Variants in KCNMB3 observed in about 807,000 individuals in gnomAD.
KCNMB3 encodes potassium calcium-activated channel subfamily M regulatory beta subunit 3, also known as calcium-activated potassium channel subunit beta-3.
A neutral mutation model predicts 11.9 loss-of-function variants in KCNMB3; 18 were observed. That is an observed-to-expected ratio of 1.51 (90% CI 1.04 to 2.23). The LOEUF is 2.23. KCNMB3 is among the 30% of genes most tolerant of loss of function. KCNMB3 has a pLI of 0.00. For missense variants in KCNMB3, 247 were observed against 329.4 expected, an observed-to-expected ratio of 0.75 and a Z score of 1.94; for synonymous variants, 78 against 119.2, an observed-to-expected ratio of 0.65 and a Z score of 2.25.
At chr3:179,249,298 C>T (rs562843879) in intron 1 of KCNMB3, among the ~76,000 whole-genome samples, 12 of 144,574 alleles carry the variant, frequency 8.3e-5, no homozygotes, top group Admixed American at 4.2e-4. Flanking sequence ...CAGGCGTGAG[C>T]CACCGCGCCT....
Position 179,266,765 on chromosome 3 carries a change from G to T in KCNMB3, c.-55C>A, listed in dbSNP as rs1462010427. The T allele has an allele frequency of 2.5e-6, 4 of 1,605,602 alleles. No homozygotes were observed. The African/African-American group carries it at 4.0e-5, about 16-fold the overall frequency. On this transcript the variant is annotated 5_prime_UTR_variant, in exon 1 of 4. Coordinates refer to the KCNMB3 transcript ENST00000349697. ...TTTCACCTGAGTCATGCCCCTGCGG[G>T]CGCAAGAAAGGTGAAGCTTAGACAT...
At position 179,259,984 on chromosome 3, in the gene KCNMB3, C is replaced by A. The variant is rs1452718637; in HGVS notation, c.62+6665G>T. 7.4e-5 allele frequency: 120 copies of A among 1,612,954 alleles called. 1 individual carries two copies. Among genetic ancestry groups the A allele is most frequent in the Middle Eastern group, 1.7e-4 (1 of 5,992 alleles). On this transcript the variant is annotated intron_variant, in intron 1 of 3. Transcript: ENST00000349697. The stretch of plus-strand genomic sequence containing the variant: ...CCTGCTTCTGTACTCTGCACTGGAA[C>A]CTCCTTGGGCTCAGCTGCTTCCTGG...
upstream of KCNMB3, among the ~76,000 whole-genome samples, chr3:179,252,739 T>C (rs544859611): frequency 6.6e-6 from 1 of 151,044 alleles, no homozygotes; most frequent in East Asian, 1.9e-4. Context: ...TACTTTTTTT[T>C]TTTTTTTTTT....
At chr3:179,255,503 A>T (rs937476763), upstream of KCNMB3, among the ~76,000 whole-genome samples, 2 of 152,218 alleles carry the variant, frequency 1.3e-5, no homozygotes, top group African/African-American at 4.8e-5. Context: ...GTGAACACAG[A>T]GCTGGATCTG....
intron 1 of KCNMB3, among the ~76,000 whole-genome samples, chr3:179,264,658 A>T (rs6804510): frequency 0.61 from 93,445 of 152,064 alleles, 30,888 homozygotes; most frequent in East Asian, 0.91. Context: ...GAACACACTC[A>T]CCTGGGTGTG....
chr3:179,260,910 T>C lies in KCNMB3; in HGVS notation c.62+5739A>G, dbSNP rs1560161370. 5.3e-6 allele frequency: 6 copies of C among 1,129,012 alleles called. No homozygotes were observed. The East Asian group carries it at 9.2e-5, about 17-fold the overall frequency. 69.9% of individuals were successfully genotyped at this position (1,129,012 alleles called of 1,614,324 possible). A position where few individuals can be genotyped will look rare whatever the true frequency, so the allele number is the denominator to read the frequency against. On this transcript the variant is annotated intron_variant, in intron 1 of 3. Transcript: ENST00000349697. ...GTGTTTTCATTGTCTAACTGAGCATTGGAAAACATAGCCTTCTTACATTTC... is the reference window on the plus strand; with the variant it reads ...GTGTTTTCATTGTCTAACTGAGCATCGGAAAACATAGCCTTCTTACATTTC...
chr3:179,247,221 C>G (rs1725670329), intron 1 of KCNMB3, among the ~76,000 whole-genome samples: 1 of 152,142 alleles, frequency 6.6e-6, no homozygotes, highest in Non-Finnish European at 1.5e-5. Context: ...AAGGTACCCT[C>G]AAGCCATCTC....
intron 1 of KCNMB3, chr3:179,260,122 A>G (rs1726155364): frequency 6.2e-7 from 1 of 1,606,084 alleles, no homozygotes; most frequent in Non-Finnish European, 8.5e-7. Context: ...CCTAAAGGAC[A>G]TGAGGCCACT....
chr3:179,266,819 C>T, exon 1 of KCNMB3: 1 of 1,478,410 alleles, frequency 6.8e-7, no homozygotes, highest in Non-Finnish European at 9.0e-7. Context: ...AGCGGGAGCC[C>T]CCAGCCCCCA....
chr3:179,247,511 A>T lies in KCNMB3; in HGVS notation c.249-2818T>A, dbSNP rs1019837774. ...TCCCACTTCTTAAAAAAAAAAGTTT[A>T]AAAAAAAGTGAGGTACAAACATGTA... On this transcript the variant is annotated intron_variant, in intron 1 of 2. Coordinates refer to ENST00000392685, the MANE Select transcript of KCNMB3 (RefSeq NM_171830.2). 9.9e-5 allele frequency among the ~76,000 whole-genome samples: 15 copies of T among 151,924 alleles called. 1 individual carries two copies. Among genetic ancestry groups the T allele is most frequent in the African/African-American group, 3.4e-4 (14 of 41,314 alleles).
chr3:179,259,302 G>A (rs12485606), intron 1 of KCNMB3: 7 of 1,556,550 alleles, frequency 4.5e-6, no homozygotes, highest in Non-Finnish European at 6.0e-6. Flanking sequence ...TGGTTCTTCA[G>A]GATTGCTTTA....
upstream of KCNMB3, chr3:179,251,374 T>G (rs1725838592): frequency 7.0e-7 from 1 of 1,432,970 alleles, no homozygotes; most frequent in Non-Finnish European, 9.1e-7. Context: ...GAACAGGGTT[T>G]GACTTATTCT....
chr3:179,266,589 C>G, intron 1 of KCNMB3: 1 of 1,598,626 alleles, frequency 6.3e-7, no homozygotes, highest in South Asian at 1.1e-5. Flanking sequence ...GTCCCCTCTT[C>G]TTGCAACTGC....
chr3:179,260,687 CCA>C (rs1726177575), intron 1 of KCNMB3: 5 of 1,381,426 alleles, frequency 3.6e-6, no homozygotes, highest in Non-Finnish European at 5.2e-6. Context: ...TAGGATTATT[CCA>C]TGTTTCTCGA....
At chr3:179,261,058 A>G in intron 1 of KCNMB3, 1 of 1,050,200 alleles carries the variant, frequency 9.5e-7, no homozygotes, top group Non-Finnish European at 1.5e-6. Flanking sequence ...GCGTGGCTGC[A>G]GACGGGCCCA....
At chr3:179,250,655 G>C in intron 1 of KCNMB3, 88 bp downstream of exon 1, 5 of 1,358,572 alleles carry the variant, frequency 3.7e-6, no homozygotes, top group Non-Finnish European at 5.1e-6. Context: ...CACAGATTGA[G>C]AAACCAAAGC....
At chr3:179,258,797 G>A (rs1384216902) in intron 1 of KCNMB3, 2 of 1,299,484 alleles carry the variant, frequency 1.5e-6, no homozygotes, top group African/African-American at 2.9e-5. Flanking sequence ...CAATTAGAAT[G>A]TACACTGATA....
At position 179,259,681 on chromosome 3, in the gene KCNMB3, T is replaced by G. The variant is rs201038141; in HGVS notation, c.62+6968A>C. ...TAAGTTAACTCTTTTTAAACATCTT[T>G]AAGGGTTTCTATGGGTACTGGGGAT... On this transcript the variant is annotated intron_variant, in intron 1 of 3. Coordinates refer to the KCNMB3 transcript ENST00000349697. 8.9e-4 allele frequency: 1,425 copies of G among 1,606,270 alleles called. 31 individuals carry two copies. The South Asian group carries it at 0.015, about 17-fold the overall frequency.
intron 1 of KCNMB3, chr3:179,260,656 ATT>A: frequency 1.5e-6 from 2 of 1,326,006 alleles, no homozygotes; most frequent in Admixed American, 3.4e-5. Context: ...AAGTCTCTCC[ATT>A]GGTAACTATT....
Sources: allele counts gnomAD v4.1 joint callset (sites outside exome capture counted in the v4.1 genomes callset), GRCh38; gene constraint gnomAD v4.1.1; transcripts MANE v1.5; gene names NCBI Gene and HGNC (gene_info 2026-07-23, HGNC 2026-07-21).